GLCE: variants seen among roughly 807,000 people sequenced by gnomAD.
GLCE encodes D-glucuronyl C5-epimerase.
Under a neutral mutation model 47.9 loss-of-function variants are expected in GLCE, and 19 were observed. The ratio of observed to expected loss-of-function variants is 0.40; its 90% confidence interval spans 0.28 to 0.58. GLCE has a LOEUF of 0.58. Among genes scored for constraint, GLCE ranks in the 20% least tolerant of loss-of-function variants. The pLI, the probability that GLCE is intolerant of heterozygous loss-of-function variation, is 0.48. For synonymous variants in GLCE, 245 were observed against 263.4 expected, an observed-to-expected ratio of 0.93 and a Z score of 0.68; for missense variants, 556 against 743.3, an observed-to-expected ratio of 0.75 and a Z score of 2.93.
intron 2 of GLCE, among the ~76,000 whole-genome samples, chr15:69,254,363 A>G (rs2052891508): frequency 6.6e-6 from 1 of 152,196 alleles, no homozygotes; most frequent in Non-Finnish European, 1.5e-5. Flanking sequence ...AGAAGAAGCA[A>G]CAGCATCACA....
rs758495517 is a variant in GLCE at position 69,268,433 on chromosome 15, G to A, written c.1043G>A (p.Ser348Asn). ...GGCATTGGGCCCAGAACTTCATGGA[G>A]CACAGTTACCAGGGACCTGGTCACT... ...YYGIGPRTSW[S>N]TVTRDLVTDL... Residue 348 changes from serine to asparagine, a missense_variant, in exon 5 of 5, where the codon AGC becomes AAC. Physicochemically the swap from Ser to Asn is conservative, Grantham distance 46 (BLOSUM62 1). This residue lies in a region of GLCE where 245 missense variants were observed against 368.1 expected (regional missense o/e 0.67). Coordinates refer to ENST00000261858, the MANE Select transcript of GLCE (RefSeq NM_015554.3). 138 of 1,613,910 alleles carry A rather than the reference G, an allele frequency of 8.6e-5. No individual in the cohort carries two copies. The South Asian group carries it at 1.4e-3, about 17-fold the overall frequency.
intron 2 of GLCE, among the ~76,000 whole-genome samples, chr15:69,230,258 C>T (rs572621987): frequency 2.0e-5 from 3 of 150,280 alleles, no homozygotes; most frequent in Non-Finnish European, 4.4e-5. Flanking sequence ...AAAGATATAC[C>T]GTGTAGACAC....
chr15:69,182,298 T>TGTGTGTGTGTGAGAGAGA (rs1446237319), intron 1 of GLCE, among the ~76,000 whole-genome samples: 236 of 145,786 alleles, frequency 1.6e-3, no homozygotes, highest in African/African-American at 4.1e-3. Context: ...TGTGTGTGTG[T>TGTGTGTGTGTGAGAGAGA]GAGAGAGAGA....
intron 3 of GLCE, among the ~76,000 whole-genome samples, chr15:69,259,955 T>G (rs961829719): frequency 6.6e-5 from 10 of 152,218 alleles, no homozygotes; most frequent in African/African-American, 2.4e-4. Flanking sequence ...GAACTACAGA[T>G]AGTAGTTTAT....
rs1458941666 is a variant in GLCE, at chr15:69,174,732, C to T, written c.-105+13975C>T. On this transcript the variant is annotated intron_variant, in intron 1 of 4. Coordinates refer to ENST00000261858, the MANE Select transcript of GLCE (RefSeq NM_015554.3). ...AGTAAACCATTTTATTCACTGTCAT[C>T]CCTTACACAAATCAGAGCTTTTTTT... 3.9e-5 allele frequency among the ~76,000 whole-genome samples: 6 copies of T among 152,310 alleles called. No homozygotes were observed. In the South Asian group the frequency reaches 1.0e-3, roughly 26 times the overall value.
At chr15:69,229,423 G>T (rs995842826) in intron 2 of GLCE, among the ~76,000 whole-genome samples, 4 of 152,154 alleles carry the variant, frequency 2.6e-5, no homozygotes, top group African/African-American at 9.7e-5. Flanking sequence ...TTGAGTTTGG[G>T]TTCAGAGATG....
chr15:69,186,590 A>G (rs1287579215), intron 1 of GLCE, among the ~76,000 whole-genome samples: 1 of 152,192 alleles, frequency 6.6e-6, no homozygotes, highest in Non-Finnish European at 1.5e-5. Context: ...TAAATAGTTG[A>G]TCTTAGTTTC....
intron 1 of GLCE, among the ~76,000 whole-genome samples, chr15:69,177,708 G>GCTTTATCATCTTTACTTCATGCCC (rs2051690372): frequency 7.4e-6 from 1 of 135,590 alleles, no homozygotes; most frequent in Non-Finnish European, 1.7e-5. Context: ...ACTTCATGCC[G>GCTTTATCATCTTTACTTCATGCCC]CTTTATCATC....
intron 2 of GLCE, among the ~76,000 whole-genome samples, chr15:69,237,112 GA>G (rs1369875489): frequency 6.6e-6 from 1 of 152,050 alleles, no homozygotes; most frequent in Non-Finnish European, 1.5e-5. Context: ...ATAAACATTA[GA>G]AAAAACATTA....
Position 69,256,211 on chromosome 15 carries a change from A to G in GLCE, c.405A>G (p.Lys135=). 6.2e-7 allele frequency: 1 copy of G among 1,614,140 alleles called. No individual in the cohort carries two copies. Among genetic ancestry groups the G allele is most frequent in the Non-Finnish European group, 8.5e-7 (1 of 1,179,998 alleles). Reference sequence around the variant, plus strand: ...TTCTTCCATTCACTTGGGTTGAGAAATATTTTGATGTTTATGGAAAGGTGG... The same window carrying G: ...TTCTTCCATTCACTTGGGTTGAGAAGTATTTTGATGTTTATGGAAAGGTGG... ...EVFLPFTWVE[K]YFDVYGKVVQ... is the part of the protein sequence containing the mutation. Residue 135 remains lysine (K), a synonymous_variant, in exon 3 of 5, where the codon AAA becomes AAG. Coordinates refer to ENST00000261858, the MANE Select transcript of GLCE (RefSeq NM_015554.3).
At chr15:69,209,158 A>C (rs2052192457) in intron 1 of GLCE, among the ~76,000 whole-genome samples, 2 of 151,044 alleles carry the variant, frequency 1.3e-5, no homozygotes, top group African/African-American at 4.9e-5. Context: ...TTCTGAGTTT[A>C]TCTCTGTTTC....
intron 1 of GLCE, among the ~76,000 whole-genome samples, chr15:69,163,047 T>C (rs1194829462): frequency 6.6e-6 from 1 of 152,240 alleles, no homozygotes; most frequent in African/African-American, 2.4e-5. Flanking sequence ...ATAAGTTTTG[T>C]TGTTGTTGTT....
At chr15:69,240,501 A>C (rs1269154197) in intron 2 of GLCE, among the ~76,000 whole-genome samples, 1 of 152,106 alleles carries the variant, frequency 6.6e-6, no homozygotes, top group Admixed American at 6.6e-5. Context: ...TTGGAGTGAG[A>C]TGTAGAAAAT....
chr15:69,207,114 A>G (rs1448376697), intron 1 of GLCE, among the ~76,000 whole-genome samples: 1 of 152,068 alleles, frequency 6.6e-6, no homozygotes, highest in African/African-American at 2.4e-5. Context: ...AAGCAAGTTC[A>G]CAATTGTTAA....
intron 2 of GLCE, among the ~76,000 whole-genome samples, chr15:69,248,663 G>A (rs941360465): frequency 6.6e-6 from 1 of 151,982 alleles, no homozygotes; most frequent in African/African-American, 2.4e-5. Context: ...CCCTCACTCT[G>A]TCGCCCAGGC....
rs929500902 is a variant in GLCE, at chr15:69,269,786, A to C, written c.*542A>C. The C allele has an allele frequency of 6.5e-6, 1 of 152,774 alleles. No individual in the cohort carries two copies. The highest frequency in any genetic ancestry group is 2.4e-5 in the African/African-American group (1 of 41,458). 9.5% of individuals were successfully genotyped at this position (152,774 alleles called of 1,614,324 possible). A position where few individuals can be genotyped will look rare whatever the true frequency, so the allele number is the denominator to read the frequency against. On this transcript the variant is annotated 3_prime_UTR_variant, in exon 5 of 5. Coordinates refer to ENST00000261858, the MANE Select transcript of GLCE (RefSeq NM_015554.3). ...TTGGGAGCAAATGAGTATTTGTTGC[A>C]TTTGTTCAATTTGTTGTATATGGTG...
At chr15:69,250,254 G>C (rs181838702) in intron 2 of GLCE, among the ~76,000 whole-genome samples, 13 of 152,084 alleles carry the variant, frequency 8.5e-5, no homozygotes, top group Non-Finnish European at 1.2e-4. Flanking sequence ...GTCTGTGTCA[G>C]TTTTCTATAA....
chr15:69,186,350 T>C (rs1595743229), intron 1 of GLCE, among the ~76,000 whole-genome samples: 2 of 152,042 alleles, frequency 1.3e-5, no homozygotes, highest in Non-Finnish European at 2.9e-5. Flanking sequence ...CTCAGCATTA[T>C]AACAAAAGAC....
chr15:69,197,228 C>T (rs1234500634), intron 1 of GLCE: 8 of 422,820 alleles, frequency 1.9e-5, no homozygotes, highest in East Asian at 7.2e-5. Flanking sequence ...CCTCATCCAC[C>T]GTATTCACCT....
Sources: gnomAD v4.1 joint callset for allele counts (sites outside exome capture counted in the v4.1 genomes callset) on GRCh38, gnomAD v4.1.1 for gene constraint, gnomAD v4.1.1 regional missense constraint, MANE v1.5 for transcripts, NCBI Gene and HGNC (gene_info 2026-07-23, HGNC 2026-07-21) for gene names.